The following NUP210L variants were observed in gnomAD, a reference collection of about 807,000 sequenced individuals.
NUP210L encodes the protein nucleoporin 210 like.
Under a neutral mutation model 208.5 loss-of-function variants are expected in NUP210L, and 74 were observed. That is an observed-to-expected ratio of 0.35 (90% CI 0.29 to 0.43). The LOEUF (loss-of-function observed/expected upper bound fraction) is 0.43. Among genes scored for constraint, NUP210L ranks in the 20% least tolerant of loss-of-function variants. NUP210L has a pLI of 1.00. For missense variants in NUP210L, 1,843 were observed against 2,289.4 expected, an observed-to-expected ratio of 0.81 and a Z score of 3.98; for synonymous variants, 780 against 816.9, an observed-to-expected ratio of 0.95 and a Z score of 0.77.
At chr1:154,028,278 G>GGATTACAGTCCA in intron 28 of NUP210L, among the ~76,000 whole-genome samples, 1 of 152,232 alleles carries the variant, frequency 6.6e-6, no homozygotes, top group South Asian at 2.1e-4. Context: ...TATCCTAACT[G>GGATTACAGTCCA]TGAATATATT....
chr1:154,087,006 G>T (rs1225397025), intron 16 of NUP210L, among the ~76,000 whole-genome samples: 2 of 151,904 alleles, frequency 1.3e-5, no homozygotes, highest in African/African-American at 4.8e-5. Context: ...TATACAAATG[G>T]CCAGTAAGCA....
At chr1:154,094,076 GTT>G (rs1656066128) in intron 15 of NUP210L, among the ~76,000 whole-genome samples, 1 of 152,160 alleles carries the variant, frequency 6.6e-6, no homozygotes, top group South Asian at 2.1e-4. Context: ...AAGGTCAGGA[GTT>G]TGAGACCAGC....
chr1:154,062,678 A>C (rs1345809827), intron 17 of NUP210L, among the ~76,000 whole-genome samples: 2 of 137,272 alleles, frequency 1.5e-5, no homozygotes, highest in African/African-American at 2.8e-5. Flanking sequence ...ACCTCTACCT[A>C]CCCGGCTCAA....
intron 14 of NUP210L, among the ~76,000 whole-genome samples, chr1:154,097,656 C>T (rs1353690824): frequency 1.3e-5 from 2 of 152,130 alleles, no homozygotes; most frequent in African/African-American, 4.8e-5. Context: ...AATAATTTAT[C>T]TTTTTTCTTT....
At chr1:154,145,044 GT>G (rs888016572) in intron 2 of NUP210L, among the ~76,000 whole-genome samples, 1 of 151,860 alleles carries the variant, frequency 6.6e-6, no homozygotes, top group African/African-American at 2.4e-5. Context: ...GGAGGCAGAG[GT>G]TACAGTGAGC....
chr1:154,023,838 G>T (rs1257633808), intron 30 of NUP210L, among the ~76,000 whole-genome samples: 1 of 151,498 alleles, frequency 6.6e-6, no homozygotes, highest in Non-Finnish European at 1.5e-5. Context: ...GCCCAGGCTG[G>T]AGTGCAGTGG....
Position 154,054,422 on chromosome 1 carries a change from T to C in NUP210L, c.3304-15A>G. 1.2e-6 allele frequency: 2 copies of C among 1,612,244 alleles called. No homozygotes were observed. Among genetic ancestry groups the C allele is most frequent in the Non-Finnish European group, 1.7e-6 (2 of 1,178,340 alleles). ...TCAGACATTACCTGGAATTTAAATA[T>C]ACCATTGAATGCCTAGAACATGAGG... On this transcript the variant is annotated splice_polypyrimidine_tract_variant and intron_variant, in intron 24 of 39. Coordinates refer to ENST00000368559, the Ensembl canonical transcript of NUP210L.
At chr1:154,101,293 T>C (rs1425124970) in intron 13 of NUP210L, among the ~76,000 whole-genome samples, 2 of 151,502 alleles carry the variant, frequency 1.3e-5, no homozygotes, top group East Asian at 1.9e-4. Context: ...CTGGCCAATA[T>C]GGTGAAACCC....
chr1:154,113,049 T>C (rs1023591248), intron 12 of NUP210L, among the ~76,000 whole-genome samples: 1 of 150,776 alleles, frequency 6.6e-6, no homozygotes, highest in Admixed American at 6.6e-5. Context: ...CTCAGCTACT[T>C]GGGAGGCTGA....
intron 27 of NUP210L, among the ~76,000 whole-genome samples, chr1:154,043,945 A>G (rs374666931): frequency 2.0e-5 from 3 of 152,074 alleles, no homozygotes; most frequent in African/African-American, 7.2e-5. Flanking sequence ...CAATTTGCCT[A>G]TGCTAGATCT....
At chr1:154,056,014 G>A (rs1005394183) in intron 23 of NUP210L, among the ~76,000 whole-genome samples, 4 of 152,074 alleles carry the variant, frequency 2.6e-5, no homozygotes, top group South Asian at 2.1e-4. Context: ...AGCCAAGATC[G>A]CGCCATTGCA....
chr1:154,063,113 T>C (rs899476337), intron 17 of NUP210L, among the ~76,000 whole-genome samples: 42 of 152,230 alleles, frequency 2.8e-4, no homozygotes, highest in Non-Finnish European at 1.5e-4. Context: ...AACCCATAGT[T>C]TAGTGAGGGG....
rs1659097583 is a variant in NUP210L, at chr1:154,146,127, A to C, written c.341-2550T>G. Among the ~76,000 whole-genome samples the C allele has an allele frequency of 2.0e-5, 3 of 152,314 alleles. No individual in the cohort carries two copies. The South Asian group carries it at 6.2e-4, about 32-fold the overall frequency. On this transcript the variant is annotated intron_variant, in intron 2 of 39. Transcript: ENST00000368559. ...CCATCTCATAGAACTAAAAAGTAAG[A>C]AAGCACAATCAATCAATCAATCACA...
At chr1:154,095,809 T>C (rs942441238) in intron 14 of NUP210L, among the ~76,000 whole-genome samples, 1 of 152,146 alleles carries the variant, frequency 6.6e-6, no homozygotes, top group Admixed American at 6.6e-5. Flanking sequence ...AGCTAAGAAG[T>C]AGACAAGATA....
At chr1:154,127,365 A>G in exon 9 of NUP210L, 1 of 1,608,914 alleles carries the variant, frequency 6.2e-7, no homozygotes, top group Non-Finnish European at 8.5e-7. Flanking sequence ...CTGTAATGAC[A>G]TATACCTGTC....
intron 20 of NUP210L, among the ~76,000 whole-genome samples, chr1:154,060,335 TCTAA>T (rs372753114): frequency 6.6e-6 from 1 of 152,166 alleles, no homozygotes; most frequent in Non-Finnish European, 1.5e-5. Flanking sequence ...ACGGAAATCT[TCTAA>T]CTGAGATCTC....
intron 10 of NUP210L, among the ~76,000 whole-genome samples, chr1:154,124,192 G>GA (rs71584176): frequency 0.59 from 70,490 of 120,366 alleles, 19,053 homozygotes; most frequent in African/African-American, 0.69. Flanking sequence ...ATCTCAAAAA[G>GA]AAAAAAAAAA....
chr1:154,029,727 A>G (rs1428048849), intron 28 of NUP210L, among the ~76,000 whole-genome samples, 169 bp downstream of exon 28: 2 of 152,148 alleles, frequency 1.3e-5, no homozygotes, highest in Admixed American at 6.6e-5. Context: ...ACAAAACTAT[A>G]TACAAGCAAT....
intron 2 of NUP210L, among the ~76,000 whole-genome samples, chr1:154,151,345 T>C (rs1659375286): frequency 6.6e-6 from 1 of 151,088 alleles, no homozygotes; most frequent in Non-Finnish European, 1.5e-5. Flanking sequence ...ATTTATCTTA[T>C]AATTGATGAC....
Sources: gnomAD v4.1 joint callset for allele counts (sites outside exome capture counted in the v4.1 genomes callset) on GRCh38, gnomAD v4.1.1 for gene constraint, MANE v1.5 for transcripts, NCBI Gene and HGNC (gene_info 2026-07-23, HGNC 2026-07-21) for gene names.